Variants in EXPH5 observed in about 807,000 individuals in gnomAD.
EXPH5 encodes exophilin 5.
EXPH5 carries 42 observed loss-of-function variants against 41.1 expected under a neutral mutation model. The ratio of observed to expected loss-of-function variants is 1.02; its 90% CI spans 0.80 to 1.32. The LOEUF (loss-of-function observed/expected upper bound fraction) is 1.32, where lower values mean the gene tolerates loss of function less well. Ranked by LOEUF, EXPH5 falls within the 40% of genes most tolerant of loss-of-function variation. The probability of loss-of-function intolerance (pLI) is 0.00; values close to 1 mark genes in which losing one functional copy is unlikely to be tolerated. For missense variants in EXPH5, 2,298 were observed against 2,314.5 expected, an observed-to-expected ratio of 0.99 and a Z score of 0.15; for synonymous variants, 798 against 833.5, an observed-to-expected ratio of 0.96 and a Z score of 0.73.
rs373115356 is a variant in EXPH5, at chr11:108,510,318, C to T, written c.5189G>A (p.Gly1730Glu). ...TAAQNLVRES[G>E]APSPITFTSL... ...GGTGAATGTGATGGGTGATGGGGCT[C>T]CTGATTCTCTTACTAAATTCTGAGC... The change falls in exon 6 of 6, where the codon GGA becomes GAA. Residue 1730 changes from glycine (G) to glutamate (E), a missense_variant. Physicochemically the swap from Gly to Glu is moderately conservative, Grantham distance 98. Coordinates refer to ENST00000265843, the MANE Select transcript of EXPH5 (RefSeq NM_015065.3). The T allele has an allele frequency of 3.7e-6, 6 of 1,614,100 alleles. No individual in the cohort carries two copies. In the Admixed American group the frequency reaches 5.0e-5, roughly 13 times the overall value.
chr11:108,592,260 G>A (rs558084343), intron 1 of EXPH5, among the ~76,000 whole-genome samples: 1 of 152,264 alleles, frequency 6.6e-6, no homozygotes, highest in South Asian at 2.1e-4. Flanking sequence ...CCCTCAAAGA[G>A]TCATGTTTAG....
intron 4 of EXPH5, among the ~76,000 whole-genome samples, chr11:108,524,216 G>C (rs771730595): frequency 1.4e-4 from 22 of 152,286 alleles, no homozygotes; most frequent in Non-Finnish European, 3.1e-4. Flanking sequence ...ATATGACTTT[G>C]GGCAAGTTAT....
chr11:108,605,104 A>G, the EXPH5 span, among the ~76,000 whole-genome samples: 1 of 152,170 alleles, frequency 6.6e-6, no homozygotes, highest in Non-Finnish European at 1.5e-5. Context: ...TTCTGGGACA[A>G]GAGTGTCAAA....
At chr11:108,591,541 TA>T (rs2094127587) in intron 1 of EXPH5, among the ~76,000 whole-genome samples, 1 of 152,272 alleles carries the variant, frequency 6.6e-6, no homozygotes, top group Admixed American at 6.5e-5. Flanking sequence ...TTAATGGTGA[TA>T]TTTTTCAAAT....
intron 2 of EXPH5, among the ~76,000 whole-genome samples, chr11:108,539,564 T>C (rs1454523468): frequency 6.6e-6 from 1 of 152,242 alleles, no homozygotes; most frequent in East Asian, 1.9e-4. Context: ...GATAGATACA[T>C]ACTACATAAC....
intron 1 of EXPH5, among the ~76,000 whole-genome samples, chr11:108,583,350 C>T (rs570272585): frequency 8.2e-5 from 12 of 147,046 alleles, no homozygotes; most frequent in South Asian, 4.3e-4. Flanking sequence ...CCAGCCTGGG[C>T]GATAGAGTGA....
intron 1 of EXPH5, among the ~76,000 whole-genome samples, chr11:108,571,764 A>G (rs889782545): frequency 3.9e-4 from 59 of 152,310 alleles, no homozygotes; most frequent in African/African-American, 1.3e-3. Context: ...GCAATGTTTA[A>G]AATAGTCATT....
chr11:108,600,650 G>A, the EXPH5 span, among the ~76,000 whole-genome samples: 1 of 152,256 alleles, frequency 6.6e-6, no homozygotes, highest in Admixed American at 6.5e-5. Flanking sequence ...AAGGCCTTCA[G>A]AACTTAACCT....
chr11:108,558,914 C>T (rs1284161253), intron 1 of EXPH5, among the ~76,000 whole-genome samples: 7 of 152,178 alleles, frequency 4.6e-5, no homozygotes, highest in African/African-American at 1.7e-4. Context: ...ACTCATTTTA[C>T]AGTAAAAGGA....
intron 1 of EXPH5, among the ~76,000 whole-genome samples, chr11:108,548,782 A>C (rs932423385): frequency 1.3e-5 from 2 of 152,194 alleles, no homozygotes; most frequent in Admixed American, 6.5e-5. Flanking sequence ...TCTGGTACTA[A>C]AAGGAGCAAA....
At chr11:108,595,008 T>A (rs776008195), upstream of EXPH5, among the ~76,000 whole-genome samples, 15 of 152,274 alleles carry the variant, frequency 9.9e-5, no homozygotes, top group Non-Finnish European at 2.1e-4. Flanking sequence ...TCTGTATTAA[T>A]GATCCTGTTT....
At chr11:108,564,215 G>A (rs978473525) in intron 1 of EXPH5, among the ~76,000 whole-genome samples, 5 of 152,238 alleles carry the variant, frequency 3.3e-5, no homozygotes, top group Non-Finnish European at 7.4e-5. Context: ...TTGAACCCAG[G>A]AGGCAGAGGT....
chr11:108,528,705 T>C (rs1378978196), intron 3 of EXPH5, among the ~76,000 whole-genome samples: 6 of 146,424 alleles, frequency 4.1e-5, no homozygotes, highest in Non-Finnish European at 9.0e-5. Context: ...CTTTTTTTTT[T>C]TTTTTTTTTT....
At position 108,506,571 on chromosome 11, in the gene EXPH5, C is replaced by T. The variant is rs2093645131; in HGVS notation, c.*2966G>A. On this transcript the variant is annotated 3_prime_UTR_variant, in exon 6 of 6. Transcript: ENST00000265843. ...CATACACGTAGACTCAGAGTATATA[C>T]TGAAATATAATTTGAAAGCTGATCA... 1 of 151,956 alleles carries T rather than the reference C, an allele frequency of 6.6e-6. No individual in the cohort carries two copies. The highest frequency in any genetic ancestry group is 1.5e-5 in the Non-Finnish European group (1 of 68,012). The allele number at this position is 151,956 out of a possible 1,614,324, so 9.4% of individuals were successfully genotyped here. A position where few individuals can be genotyped will look rare whatever the true frequency, so the allele number is the denominator to read the frequency against.
intron 1 of EXPH5, among the ~76,000 whole-genome samples, chr11:108,565,022 C>T (rs564752793): frequency 4.6e-5 from 7 of 151,270 alleles, no homozygotes; most frequent in South Asian, 4.2e-4. Flanking sequence ...TCTCCTGCCT[C>T]GGCCTCCCGA....
chr11:108,571,904 C>T (rs1022122041), intron 1 of EXPH5, among the ~76,000 whole-genome samples: 1 of 152,006 alleles, frequency 6.6e-6, no homozygotes, highest in African/African-American at 2.4e-5. Flanking sequence ...AAAAATTAGC[C>T]AGGCGTGGTG....
At chr11:108,535,140 G>A (rs1052234492) in intron 3 of EXPH5, among the ~76,000 whole-genome samples, 1 of 152,142 alleles carries the variant, frequency 6.6e-6, no homozygotes, top group African/African-American at 2.4e-5. Flanking sequence ...CTAAGCTGCA[G>A]CAGTTCCGAA....
At chr11:108,537,059 C>T (rs2093884448) in intron 3 of EXPH5, among the ~76,000 whole-genome samples, 3 of 152,174 alleles carry the variant, frequency 2.0e-5, no homozygotes, top group African/African-American at 7.2e-5. Flanking sequence ...GTCCATTTTG[C>T]AGATTGATTT....
At chr11:108,538,029 C>T in intron 3 of EXPH5, 1 of 985,408 alleles carries the variant, frequency 1.0e-6, no homozygotes, top group Non-Finnish European at 1.2e-6. Flanking sequence ...ACATTGTGGT[C>T]TGCTCTTTCT....
Sources: gnomAD v4.1 joint callset for allele counts (sites outside exome capture counted in the v4.1 genomes callset) on GRCh38, gnomAD v4.1.1 for gene constraint, MANE v1.5 for transcripts, NCBI Gene and HGNC (gene_info 2026-07-23, HGNC 2026-07-21) for gene names.